Variants in ALDH1L2 observed in about 807,000 individuals in gnomAD.
ALDH1L2 encodes the protein aldehyde dehydrogenase 1 family member L2, also known as mitochondrial 10-formyltetrahydrofolate dehydrogenase.
Under a neutral mutation model 111.0 loss-of-function variants are expected in ALDH1L2, and 91 were observed. The ratio of observed to expected loss-of-function variants is 0.82; its 90% confidence interval spans 0.69 to 0.98. ALDH1L2 has a LOEUF of 0.98. Among genes scored for constraint, ALDH1L2 ranks in the 50% least tolerant of loss-of-function variants. The probability of loss-of-function intolerance (pLI) is 0.00; values close to 1 mark genes in which losing one functional copy is unlikely to be tolerated. For missense variants in ALDH1L2, 995 were observed against 1,126.8 expected (o/e 0.88, Z 1.67); for synonymous variants, 374 against 392.6 (o/e 0.95, Z 0.56).
chr12:105,033,019 T>C (rs1309649742), intron 19 of ALDH1L2, among the ~76,000 whole-genome samples: 1 of 152,244 alleles, frequency 6.6e-6, no homozygotes, highest in Non-Finnish European at 1.5e-5. Flanking sequence ...TACTTCTGCA[T>C]CTTCTAATGT....
At chr12:105,035,882 T>C (rs1398980510) in intron 18 of ALDH1L2, among the ~76,000 whole-genome samples, 1 of 137,422 alleles carries the variant, frequency 7.3e-6, no homozygotes, top group Non-Finnish European at 1.5e-5. Flanking sequence ...CACACACATA[T>C]ATATACGTAT....
Position 105,061,614 on chromosome 12 carries a change from A to G in ALDH1L2, c.1047+13T>C. On this transcript the variant is annotated intron_variant, in intron 8 of 22. Transcript: ENST00000258494. ...CCAAGGTAACAGTAAGATTTAAGTC[A>G]TCATGTGTTCACCTTGATGGTCTCT... 1.9e-6 allele frequency: 3 copies of G among 1,614,036 alleles called. No homozygotes were observed. Among genetic ancestry groups the G allele is most frequent in the Non-Finnish European group, 2.5e-6 (3 of 1,179,948 alleles).
intron 3 of ALDH1L2, among the ~76,000 whole-genome samples, chr12:105,069,600 A>G (rs1297727078): frequency 6.6e-6 from 1 of 152,226 alleles, no homozygotes; most frequent in Non-Finnish European, 1.5e-5. Flanking sequence ...CTACTAAATA[A>G]TAGTGTGTTA....
chr12:105,049,868 A>G (rs1460350805), intron 13 of ALDH1L2, 40 bp downstream of exon 13: 2 of 1,581,578 alleles, frequency 1.3e-6, no homozygotes, highest in East Asian at 2.3e-5. Context: ...AATCAATGTT[A>G]GTCCCTTTTT....
chr12:105,056,815 C>T (rs10861335), intron 10 of ALDH1L2, among the ~76,000 whole-genome samples: 55,972 of 146,262 alleles, frequency 0.38, 11,915 homozygotes, highest in Middle Eastern at 0.61. Context: ...GCATACTAGA[C>T]ATATTTAACA....
rs190062116 is a variant in ALDH1L2 at position 105,055,038 on chromosome 12, G to C, written c.1288-2107C>G. ...AGATATCCATAAGAGGCATTGAAAA[G>C]CTCTGACATATTCCTGGGAATCCAG... On this transcript the variant is annotated intron_variant, in intron 10 of 22. Coordinates refer to ENST00000258494, the MANE Select transcript of ALDH1L2 (RefSeq NM_001034173.4). Among the ~76,000 whole-genome samples, 376 of 152,320 alleles carry C rather than the reference G, an allele frequency of 2.5e-3. 3 individuals are homozygous for C. Among genetic ancestry groups the C allele is most frequent in the African/African-American group, 8.5e-3 (353 of 41,570 alleles).
At chr12:105,046,123 C>T (rs2136067856) in intron 15 of ALDH1L2, among the ~76,000 whole-genome samples, 1 of 133,920 alleles carries the variant, frequency 7.5e-6, no homozygotes, top group Middle Eastern at 4.4e-3. Flanking sequence ...CATTCTTTTA[C>T]ATGCTTTTCC....
At chr12:105,059,772 T>C (rs1262785042) in intron 9 of ALDH1L2, among the ~76,000 whole-genome samples, 2 of 152,228 alleles carry the variant, frequency 1.3e-5, no homozygotes, top group African/African-American at 4.8e-5. Context: ...AGTGAGTAGA[T>C]AGAATATTCA....
Position 105,049,926 on chromosome 12 carries a change from G to T in ALDH1L2, c.1668C>A (p.Gly556=). ...MSVQTFRYFA[G]WCDKIQGSTI... ...TGCTTACCTGAATTTTGTCGCACCA[G>T]CCAGCAAAATATCTGAATGTTTGCA... Residue 556 remains glycine, a synonymous_variant, in exon 13 of 23, where the codon GGC becomes GGA. Transcript: ENST00000258494. The T allele has an allele frequency of 6.2e-7, 1 of 1,611,072 alleles. No individual in the cohort carries two copies. Among genetic ancestry groups the T allele is most frequent in the Non-Finnish European group, 8.5e-7 (1 of 1,178,632 alleles).
intron 8 of ALDH1L2, among the ~76,000 whole-genome samples, chr12:105,061,365 A>G (rs1203143694): frequency 2.0e-5 from 3 of 152,166 alleles, no homozygotes; most frequent in Non-Finnish European, 4.4e-5. Context: ...GACCTTGAAA[A>G]TAACAGAAAC....
intron 21 of ALDH1L2, among the ~76,000 whole-genome samples, chr12:105,028,233 C>A (rs1463895459): frequency 1.3e-5 from 2 of 152,172 alleles, no homozygotes; most frequent in African/African-American, 4.8e-5. Flanking sequence ...GCCTCAGCCT[C>A]CTGAGTAGCT....
rs1874292699 is a variant in ALDH1L2 at position 105,024,113 on chromosome 12, G to C, written c.*311C>G. 6.5e-6 allele frequency: 3 copies of C among 464,992 alleles called. No individual in the cohort carries two copies. Among genetic ancestry groups the C allele is most frequent in the Non-Finnish European group, 1.2e-5 (3 of 256,772 alleles). The allele number at this position is 464,992 out of a possible 1,614,324, so 28.8% of individuals were successfully genotyped here. A position where few individuals can be genotyped will look rare whatever the true frequency, so the allele number is the denominator to read the frequency against. ...GCACCTTGTGTATTATAACTGCATG[G>C]TACTGACATCTTCAAGATGGGAACC... On this transcript the variant is annotated 3_prime_UTR_variant, in exon 23 of 23. Transcript: ENST00000258494.
At chr12:105,046,208 TATATATATATA>T (rs1875872723) in intron 15 of ALDH1L2, among the ~76,000 whole-genome samples, 1 of 71,810 alleles carries the variant, frequency 1.4e-5, no homozygotes, top group Non-Finnish European at 2.7e-5. Flanking sequence ...TATATATATA[TATATATATATA>T]TATTTTTTTT....
intron 15 of ALDH1L2, among the ~76,000 whole-genome samples, chr12:105,043,298 T>C (rs10861317): frequency 0.37 from 55,761 of 151,764 alleles, 10,442 homozygotes; most frequent in South Asian, 0.53. Context: ...AGCTTGTCTT[T>C]GTAAAATGTA....
chr12:105,072,607 G>A (rs531902298), intron 2 of ALDH1L2: 1 of 152,336 alleles, frequency 6.6e-6, no homozygotes, highest in Non-Finnish European at 1.5e-5. Context: ...ATGTGATCAT[G>A]AGAGAAAATT....
intron 1 of ALDH1L2, among the ~76,000 whole-genome samples, chr12:105,079,796 C>T (rs955114032): frequency 6.6e-6 from 1 of 152,150 alleles, no homozygotes; most frequent in African/African-American, 2.4e-5. Context: ...ATCTGCATCC[C>T]CTTCTCACTC....
chr12:105,066,469 G>T, intron 5 of ALDH1L2, 99 bp downstream of exon 5: 2 of 1,123,202 alleles, frequency 1.8e-6, no homozygotes, highest in Non-Finnish European at 2.6e-6. Context: ...GCTAGGGCAA[G>T]CTGGCTTACC....
At chr12:105,033,243 G>A (rs1565950312) in intron 19 of ALDH1L2, among the ~76,000 whole-genome samples, 1 of 151,938 alleles carries the variant, frequency 6.6e-6, no homozygotes, top group Non-Finnish European at 1.5e-5. Context: ...TGCTGCTGAT[G>A]AATGAATATG....
At chr12:105,079,135 G>C (rs1266885477) in intron 1 of ALDH1L2, among the ~76,000 whole-genome samples, 1 of 152,206 alleles carries the variant, frequency 6.6e-6, no homozygotes, top group Non-Finnish European at 1.5e-5. Flanking sequence ...CACACCTCTT[G>C]TGTTGAGAAT....
Sources: gnomAD v4.1 joint callset for allele counts (sites outside exome capture counted in the v4.1 genomes callset) on GRCh38, gnomAD v4.1.1 for gene constraint, MANE v1.5 for transcripts, NCBI Gene and HGNC (gene_info 2026-07-23, HGNC 2026-07-21) for gene names.